Variants in PIGL observed in about 807,000 individuals in gnomAD.
The protein encoded by PIGL is N-acetylglucosaminyl-phosphatidylinositol de-N-acetylase.
In PIGL, 22 loss-of-function variants were observed where a neutral mutation model predicts 31.1. That is an observed-to-expected ratio of 0.71 (90% CI 0.51 to 1.01). PIGL has a LOEUF of 1.01. Among genes scored for constraint, PIGL ranks in the 50% least tolerant of loss-of-function variants. The pLI is 0.00. For missense variants in PIGL, 302 were observed against 315.9 expected, an observed-to-expected ratio of 0.96 and a Z score of 0.33; for synonymous variants, 131 against 117.4, an observed-to-expected ratio of 1.12 and a Z score of -0.75.
intron 2 of PIGL, among the ~76,000 whole-genome samples, chr17:16,236,617 G>C (rs1648101663): frequency 6.6e-6 from 1 of 152,142 alleles, no homozygotes; most frequent in African/African-American, 2.4e-5. Flanking sequence ...GCCCAGGCTG[G>C]AGTGCAGTGG....
chr17:16,256,406 C>T (rs1054828457), intron 2 of PIGL, among the ~76,000 whole-genome samples: 1 of 152,112 alleles, frequency 6.6e-6, no homozygotes, highest in Non-Finnish European at 1.5e-5. Context: ...GGCATGATCT[C>T]GGCTCACTGC....
intron 2 of PIGL, among the ~76,000 whole-genome samples, chr17:16,253,316 A>C (rs2142731873): frequency 6.6e-6 from 1 of 152,222 alleles, no homozygotes; most frequent in South Asian, 2.1e-4. Context: ...CCTCCAATTA[A>C]AACCCATGCC....
intron 5 of PIGL, 67 bp downstream of exon 5, chr17:16,316,779 A>AT (rs1356343249): frequency 6.3e-7 from 1 of 1,597,548 alleles, no homozygotes. Context: ...TGAGGGGGAA[A>AT]TTTGCAAATC....
At chr17:16,315,505 C>G (rs1248270306) in intron 4 of PIGL, among the ~76,000 whole-genome samples, 2 of 152,008 alleles carry the variant, frequency 1.3e-5, no homozygotes, top group East Asian at 3.9e-4. Flanking sequence ...CCAGGGCTCA[C>G]TCCCCAGTCC....
chr17:16,289,857 A>C (rs1464609042), intron 2 of PIGL, among the ~76,000 whole-genome samples: 1 of 151,928 alleles, frequency 6.6e-6, no homozygotes, highest in African/African-American at 2.4e-5. Context: ...GCTCACTGCA[A>C]CCTCCACCTC....
chr17:16,286,145 C>G (rs1465497873), intron 2 of PIGL, among the ~76,000 whole-genome samples: 1 of 152,210 alleles, frequency 6.6e-6, no homozygotes, highest in Admixed American at 6.5e-5. Context: ...CTGAACCTTC[C>G]GGCTTGCGCT....
Position 16,217,439 on chromosome 17 carries a change from G to C in PIGL, c.213G>C (p.Val71=), listed in dbSNP as rs748251842. The C allele has an allele frequency of 6.8e-6, 11 of 1,614,122 alleles. No individual in the cohort carries two copies. In the South Asian group the frequency reaches 1.2e-4, roughly 18 times the overall value. The change falls in exon 1 of 7, where the codon GTG becomes GTC. Residue 71 remains valine, a synonymous_variant. Transcript: ENST00000225609. ...VLGLARLRHW[V]YLLCFSAGNY... ...GCTTGGCCCGCCTAAGGCACTGGGT[G>C]TACCTGCTTTGCTTCTCTGCAGGTA...
intron 3 of PIGL, among the ~76,000 whole-genome samples, chr17:16,303,128 A>C (rs1013441614): frequency 2.0e-5 from 3 of 152,122 alleles, no homozygotes; most frequent in Non-Finnish European, 4.4e-5. Flanking sequence ...GTCCCAGAAA[A>C]GTGATCTGTG....
At chr17:16,231,596 AT>A (rs1172971448) in intron 1 of PIGL, among the ~76,000 whole-genome samples, 19 of 152,042 alleles carry the variant, frequency 1.2e-4, no homozygotes, top group Non-Finnish European at 1.5e-4. Context: ...CTAATTTTAA[AT>A]TTTTTAAGTA....
At chr17:16,223,416 A>T (rs1397924885) in intron 1 of PIGL, among the ~76,000 whole-genome samples, 1 of 152,002 alleles carries the variant, frequency 6.6e-6, no homozygotes, top group Non-Finnish European at 1.5e-5. Flanking sequence ...ATCTCTACTA[A>T]AAATACAAAA....
chr17:16,300,149 A>C (rs1270850780), intron 3 of PIGL, 171 bp downstream of exon 3: 1 of 591,386 alleles, frequency 1.7e-6, no homozygotes, highest in Non-Finnish European at 3.0e-6. Flanking sequence ...TGAAGAACAA[A>C]CACACCTTTT....
At chr17:16,250,032 C>T (rs1332288867) in intron 2 of PIGL, among the ~76,000 whole-genome samples, 1 of 152,060 alleles carries the variant, frequency 6.6e-6, no homozygotes, top group African/African-American at 2.4e-5. Flanking sequence ...CTGCAACCTC[C>T]ACCTCTTGGA....
chr17:16,285,152 C>A (rs146448683), intron 2 of PIGL, among the ~76,000 whole-genome samples: 215 of 152,330 alleles, frequency 1.4e-3, no homozygotes, highest in African/African-American at 4.7e-3. Flanking sequence ...AGATTTCTCA[C>A]AAGGACTTTG....
At chr17:16,317,546 C>T (rs1321480766) in intron 5 of PIGL, 1 of 1,271,540 alleles carries the variant, frequency 7.9e-7, no homozygotes, top group African/African-American at 1.5e-5. Context: ...TCTGGTAGGG[C>T]ACACCGCAGG....
rs116189960 is a variant in PIGL at position 16,305,438 on chromosome 17, A to G, written c.426+5460A>G. Among the ~76,000 whole-genome samples, 706 of 152,330 alleles carry G rather than the reference A, an allele frequency of 4.6e-3. 4 individuals carry two copies. The highest frequency in any genetic ancestry group is 0.016 in the African/African-American group (672 of 41,578). Reference sequence around the variant, plus strand: ...TGGGTAAGATTTTATTTGAACAAATACTTTTGCACTTTAGGAAAAAATAAA... The same window carrying G: ...TGGGTAAGATTTTATTTGAACAAATGCTTTTGCACTTTAGGAAAAAATAAA... On this transcript the variant is annotated intron_variant, in intron 3 of 6. Transcript: ENST00000225609.
chr17:16,293,351 C>T (rs974992872), intron 2 of PIGL, among the ~76,000 whole-genome samples: 11 of 152,296 alleles, frequency 7.2e-5, no homozygotes, highest in South Asian at 2.1e-4. Context: ...GGTGAAACCC[C>T]GTCTCTACTA....
rs149167085 is a variant in PIGL at position 16,299,370 on chromosome 17, G to A, written c.336-518G>A. On this transcript the variant is annotated intron_variant, in intron 2 of 6. Coordinates refer to ENST00000225609, the MANE Select transcript of PIGL (RefSeq NM_004278.4). ...CTCAGGAGGCTGAGGCAGGAACCCC[G>A]GAGGCAAAGGTTGTAGTGAGCCGAG... Among the ~76,000 whole-genome samples the A allele has an allele frequency of 5.8e-3, 872 of 151,426 alleles. 13 individuals carry two copies. Among genetic ancestry groups the A allele is most frequent in the African/African-American group, 0.019 (785 of 41,252 alleles).
At chr17:16,266,905 T>C (rs867766959) in intron 2 of PIGL, among the ~76,000 whole-genome samples, 2,115 of 46,572 alleles carry the variant, frequency 0.045, 29 homozygotes, top group South Asian at 0.11. Context: ...CTCTTTTTTT[T>C]TGGGGGGGGG....
intron 2 of PIGL, among the ~76,000 whole-genome samples, chr17:16,266,832 C>G (rs535328712): frequency 6.6e-6 from 1 of 150,444 alleles, no homozygotes; most frequent in South Asian, 2.1e-4. Flanking sequence ...CTCCTGACCT[C>G]GTGATTTGCC....
Sources: gnomAD v4.1 joint callset for allele counts (sites outside exome capture counted in the v4.1 genomes callset) on GRCh38, gnomAD v4.1.1 for gene constraint, MANE v1.5 for transcripts, NCBI Gene and HGNC (gene_info 2026-07-23, HGNC 2026-07-21) for gene names.